Variants in PTGER3 observed in about 807,000 individuals in gnomAD.
The protein encoded by PTGER3 is prostaglandin E2 receptor EP3 subtype.
Under a neutral mutation model 34.7 loss-of-function variants are expected in PTGER3, and 22 were observed. The observed-to-expected ratio is 0.63, with a 90% CI of 0.45 to 0.91. PTGER3 has a LOEUF of 0.91. PTGER3 is among the 40% of genes least tolerant of loss of function. The probability of loss-of-function intolerance (pLI) is 0.00; values close to 1 mark genes in which losing one functional copy is unlikely to be tolerated. For synonymous variants in PTGER3, 241 were observed against 230.1 expected (o/e 1.05, Z -0.43); for missense variants, 468 against 519.4 (o/e 0.90, Z 0.96).
At chr1:70,854,378 C>CTTG (rs1645753293) in intron 4 of PTGER3, among the ~76,000 whole-genome samples, 9 of 152,168 alleles carry the variant, frequency 5.9e-5, no homozygotes, top group Admixed American at 4.6e-4. Context: ...ATGTCACTAA[C>CTTG]CATTAGAGAA....
chr1:70,999,372 T>C (rs1656272389), intron 2 of PTGER3, among the ~76,000 whole-genome samples: 1 of 152,142 alleles, frequency 6.6e-6, no homozygotes, highest in African/African-American at 2.4e-5. Context: ...GAGCAGTCAG[T>C]TGAAGAGAAA....
intron 1 of PTGER3, among the ~76,000 whole-genome samples, chr1:71,037,145 T>C (rs1027097194): frequency 6.6e-6 from 1 of 152,190 alleles, no homozygotes; most frequent in African/African-American, 2.4e-5. Context: ...AGCCGTGTCC[T>C]GCCCACATGA....
At chr1:70,965,972 T>A (rs1042210756), downstream of PTGER3, among the ~76,000 whole-genome samples, 1 of 152,194 alleles carries the variant, frequency 6.6e-6, no homozygotes, top group Non-Finnish European at 1.5e-5. Context: ...ATTTAGCATT[T>A]GAGTTTTATG....
chr1:70,905,518 A>G (rs551654917), intron 4 of PTGER3, among the ~76,000 whole-genome samples: 21 of 152,140 alleles, frequency 1.4e-4, no homozygotes, highest in Non-Finnish European at 2.2e-4. Flanking sequence ...TGCATCACAG[A>G]GACCTGAATG....
At chr1:70,863,153 A>G (rs1645964976) in intron 4 of PTGER3, among the ~76,000 whole-genome samples, 1 of 151,226 alleles carries the variant, frequency 6.6e-6, no homozygotes, top group Admixed American at 6.6e-5. Flanking sequence ...TTTATTTGCT[A>G]AAAGAGGATT....
At chr1:71,018,258 T>C (rs556383631) in intron 1 of PTGER3, among the ~76,000 whole-genome samples, 20 of 132,044 alleles carry the variant, frequency 1.5e-4, no homozygotes, top group Admixed American at 4.6e-4. Flanking sequence ...GAAGCTTCTT[T>C]AAATTTTTTT....
chr1:70,963,799 A>G (rs890759260), intron 2 of PTGER3, among the ~76,000 whole-genome samples: 8 of 152,164 alleles, frequency 5.3e-5, no homozygotes, highest in African/African-American at 1.9e-4. Context: ...GCTCCTGGTT[A>G]CTTATGCAAA....
intron 1 of PTGER3, among the ~76,000 whole-genome samples, chr1:71,035,396 A>T (rs1360296038): frequency 6.6e-6 from 1 of 152,194 alleles, no homozygotes; most frequent in Non-Finnish European, 1.5e-5. Context: ...TTCCCAGCAC[A>T]TCTGGTTCAA....
chr1:70,956,210 A>G (rs1651315984), intron 2 of PTGER3, among the ~76,000 whole-genome samples: 1 of 152,186 alleles, frequency 6.6e-6, no homozygotes, highest in South Asian at 2.1e-4. Context: ...AATTACAGGC[A>G]TTTATATTTA....
intron 2 of PTGER3, among the ~76,000 whole-genome samples, chr1:71,003,213 C>A (rs1428210025): frequency 6.6e-6 from 1 of 152,184 alleles, no homozygotes; most frequent in Non-Finnish European, 1.5e-5. Flanking sequence ...GCATGCCTTG[C>A]TTTCTTATTC....
chr1:70,960,828 C>G (rs999336836), intron 2 of PTGER3, among the ~76,000 whole-genome samples: 2 of 152,148 alleles, frequency 1.3e-5, no homozygotes, highest in Admixed American at 6.5e-5. Context: ...CTTCTTAGTC[C>G]TAGGAGAATT....
intron 2 of PTGER3, chr1:71,009,839 T>C: frequency 1.0e-6 from 1 of 985,194 alleles, no homozygotes; most frequent in Admixed American, 6.2e-5. Context: ...GTCTTTCTGC[T>C]GTGACTACAT....
intron 4 of PTGER3, among the ~76,000 whole-genome samples, chr1:70,906,636 AATAATACTTGACTC>A (rs1479821322): frequency 6.6e-6 from 1 of 152,202 alleles, no homozygotes; most frequent in Non-Finnish European, 1.5e-5. Flanking sequence ...AAATAGGAAT[AATAATACTTGACTC>A]ATAATGCTGT....
chr1:71,011,704 C>T (rs982281204), intron 2 of PTGER3: 12 of 974,356 alleles, frequency 1.2e-5, no homozygotes, highest in African/African-American at 1.1e-4. Flanking sequence ...ATAATGGTAT[C>T]GATGAATATT....
intron 1 of PTGER3, among the ~76,000 whole-genome samples, chr1:71,016,498 A>C (rs753654276): frequency 1.3e-5 from 2 of 152,158 alleles, no homozygotes; most frequent in Non-Finnish European, 2.9e-5. Flanking sequence ...AATATAATTT[A>C]ATTTTAAAAT....
chr1:70,935,179 A>G (rs530778501), intron 4 of PTGER3, among the ~76,000 whole-genome samples: 10 of 152,308 alleles, frequency 6.6e-5, no homozygotes, highest in African/African-American at 2.2e-4. Flanking sequence ...CATTAAATTC[A>G]GAAATAATTC....
intron 1 of PTGER3, among the ~76,000 whole-genome samples, chr1:71,038,161 A>C (rs1178499039): frequency 6.6e-6 from 1 of 152,172 alleles, no homozygotes; most frequent in Non-Finnish European, 1.5e-5. Flanking sequence ...AATTTTTATG[A>C]ATCACAACAG....
intron 1 of PTGER3, among the ~76,000 whole-genome samples, chr1:71,022,894 C>A (rs1658552274): frequency 6.6e-6 from 1 of 151,804 alleles, no homozygotes; most frequent in African/African-American, 2.4e-5. Context: ...CTCTGTCTAG[C>A]CCCTGGATCT....
At chr1:70,963,606 G>A (rs1428672400) in intron 2 of PTGER3, among the ~76,000 whole-genome samples, 1 of 152,168 alleles carries the variant, frequency 6.6e-6, no homozygotes, top group Non-Finnish European at 1.5e-5. Context: ...CGGTACCTTG[G>A]CTCCCTCTAG....
Sources: allele counts gnomAD v4.1 joint callset (sites outside exome capture counted in the v4.1 genomes callset), GRCh38; gene constraint gnomAD v4.1.1; transcripts MANE v1.5; gene names NCBI Gene and HGNC (gene_info 2026-07-23, HGNC 2026-07-21).